Variants in NBEA observed in about 807,000 individuals in gnomAD.
NBEA encodes the protein lysosomal-trafficking regulator 2.
In NBEA, 44 loss-of-function variants were observed where a neutral mutation model predicts 343.4. The ratio of observed to expected loss-of-function variants is 0.13; its 90% CI spans 0.10 to 0.16. The LOEUF is 0.16. Among genes scored for constraint, NBEA ranks in the 10% least tolerant of loss-of-function variants. The pLI is 1.00. For synonymous variants in NBEA, 1,175 were observed against 1,238.7 expected (o/e 0.95, Z 1.08); for missense variants, 2,555 against 3,631.3 (o/e 0.70, Z 7.62).
chr13:35,037,649 C>T (rs1307174606), intron 1 of NBEA, among the ~76,000 whole-genome samples: 1 of 152,180 alleles, frequency 6.6e-6, no homozygotes, highest in Non-Finnish European at 1.5e-5. Context: ...CAGGCAGAAT[C>T]TCTTGTTCTC....
intron 39 of NBEA, among the ~76,000 whole-genome samples, chr13:35,446,215 A>G (rs998394901): frequency 2.6e-5 from 4 of 152,012 alleles, no homozygotes; most frequent in Non-Finnish European, 4.4e-5. Flanking sequence ...CCAGTCTATC[A>G]TTGATGGACA....
chr13:34,963,542 A>T (rs2152493115), intron 1 of NBEA, among the ~76,000 whole-genome samples: 1 of 152,142 alleles, frequency 6.6e-6, no homozygotes, highest in Admixed American at 6.6e-5. Flanking sequence ...GGTCTTAACT[A>T]AGCGAAAATA....
At chr13:35,158,940 A>G in intron 21 of NBEA, 76 bp from the exon 22 acceptor site, 1 of 1,271,784 alleles carries the variant, frequency 7.9e-7, no homozygotes, top group South Asian at 1.7e-5. Flanking sequence ...TATTTCCACA[A>G]TTTAATTTGT....
chr13:34,960,739 A>G (rs964544675), intron 1 of NBEA, among the ~76,000 whole-genome samples: 19 of 152,244 alleles, frequency 1.2e-4, no homozygotes, highest in African/African-American at 4.3e-4. Context: ...CATAGAGCCT[A>G]TGTATGTGGG....
intron 48 of NBEA, among the ~76,000 whole-genome samples, chr13:35,615,787 C>A (rs1006183971): frequency 1.3e-5 from 2 of 152,078 alleles, no homozygotes; most frequent in Non-Finnish European, 2.9e-5. Context: ...GAAGGAAATC[C>A]GAAGCCAGCT....
chr13:35,352,455 T>C, intron 38 of NBEA, 132 bp downstream of exon 38: 1 of 545,458 alleles, frequency 1.8e-6, no homozygotes, highest in Non-Finnish European at 2.7e-6. Context: ...CTTGAAAATT[T>C]TCCTGAAATC....
intron 1 of NBEA, among the ~76,000 whole-genome samples, chr13:35,027,318 T>C (rs2062048849): frequency 6.6e-6 from 1 of 152,112 alleles, no homozygotes; most frequent in South Asian, 2.1e-4. Flanking sequence ...TGTAATATAC[T>C]GCCAAACTAT....
At chr13:35,549,660 G>A (rs951030079) in intron 41 of NBEA, among the ~76,000 whole-genome samples, 1 of 152,114 alleles carries the variant, frequency 6.6e-6, no homozygotes, top group Non-Finnish European at 1.5e-5. Context: ...CATTCAAGCA[G>A]GAAGGGCAAA....
At chr13:35,333,301 T>C (rs1023591899) in intron 36 of NBEA, among the ~76,000 whole-genome samples, 2 of 152,104 alleles carry the variant, frequency 1.3e-5, no homozygotes, top group African/African-American at 4.8e-5. Context: ...AAAATAAAAC[T>C]TGTAGAATTT....
At chr13:34,982,001 T>C (rs1593354866) in intron 1 of NBEA, among the ~76,000 whole-genome samples, 1 of 151,982 alleles carries the variant, frequency 6.6e-6, no homozygotes, top group East Asian at 1.9e-4. Flanking sequence ...TTATCAACAT[T>C]ATTAATATTA....
intron 33 of NBEA, among the ~76,000 whole-genome samples, chr13:35,216,164 G>GT (rs969092637): frequency 5.3e-5 from 8 of 150,830 alleles, no homozygotes; most frequent in South Asian, 2.1e-4. Context: ...TTTTTAGAGT[G>GT]TTTTTTTTCT....
intron 1 of NBEA, among the ~76,000 whole-genome samples, chr13:34,982,971 G>C (rs1001331972): frequency 6.6e-6 from 1 of 151,996 alleles, no homozygotes; most frequent in South Asian, 2.1e-4. Flanking sequence ...TAGCAATTGT[G>C]TGCACATTTG....
At chr13:35,005,783 G>A (rs1312853297) in intron 1 of NBEA, among the ~76,000 whole-genome samples, 1 of 152,218 alleles carries the variant, frequency 6.6e-6, no homozygotes, top group Non-Finnish European at 1.5e-5. Context: ...CCTGAAAAAT[G>A]AGAATAAGTT....
intron 11 of NBEA, among the ~76,000 whole-genome samples, chr13:35,101,711 G>T (rs1357326369): frequency 6.6e-6 from 1 of 150,740 alleles, no homozygotes; most frequent in African/African-American, 2.4e-5. Flanking sequence ...ATTTTCCTTT[G>T]GGATATCTTC....
chr13:35,118,611 T>C, intron 16 of NBEA, 137 bp downstream of exon 16: 2 of 635,186 alleles, frequency 3.1e-6, no homozygotes, highest in Non-Finnish European at 5.3e-6. Flanking sequence ...AGAATGCTGC[T>C]ATTGATCCTC....
At chr13:35,501,813 C>T (rs1170622493) in intron 41 of NBEA, among the ~76,000 whole-genome samples, 1 of 152,112 alleles carries the variant, frequency 6.6e-6, no homozygotes. Context: ...CCTCCTGCAA[C>T]TGCAAAGCCT....
chr13:34,981,211 A>C (rs950574203), intron 1 of NBEA, among the ~76,000 whole-genome samples: 2 of 152,114 alleles, frequency 1.3e-5, no homozygotes, highest in African/African-American at 2.4e-5. Context: ...TTAGTATAAC[A>C]TTTTTGAGGC....
At chr13:35,221,958 T>G (rs1162324085) in intron 33 of NBEA, among the ~76,000 whole-genome samples, 1 of 152,186 alleles carries the variant, frequency 6.6e-6, no homozygotes, top group African/African-American at 2.4e-5. Flanking sequence ...AATAATTGAC[T>G]TCTGTCTTAA....
At chr13:35,520,886 G>C (rs2077679930) in intron 41 of NBEA, among the ~76,000 whole-genome samples, 1 of 152,082 alleles carries the variant, frequency 6.6e-6, no homozygotes, top group Non-Finnish European at 1.5e-5. Flanking sequence ...TACTATAAAT[G>C]AAACTTTTTT....
Sources: gnomAD v4.1 joint callset for allele counts (sites outside exome capture counted in the v4.1 genomes callset) on GRCh38, gnomAD v4.1.1 for gene constraint, MANE v1.5 for transcripts, NCBI Gene and HGNC (gene_info 2026-07-23, HGNC 2026-07-21) for gene names.